The following DCC variants were observed in gnomAD, a reference collection of about 807,000 sequenced individuals.
The protein encoded by DCC is DCC netrin 1 receptor, also known as netrin receptor DCC.
DCC carries 58 observed loss-of-function variants against 172.5 expected under a neutral mutation model. The observed-to-expected ratio is 0.34, with a 90% CI of 0.27 to 0.42. The LOEUF (loss-of-function observed/expected upper bound fraction) is 0.42, where lower values mean the gene tolerates loss of function less well. Among genes scored for constraint, DCC ranks in the 10% least tolerant of loss-of-function variants. The probability of loss-of-function intolerance (pLI) is 1.00; values close to 1 mark genes in which losing one functional copy is unlikely to be tolerated. For synonymous variants in DCC, 709 were observed against 644.5 expected (o/e 1.10, Z -1.52); for missense variants, 1,740 against 1,791.0 (o/e 0.97, Z 0.51).
chr18:52,680,479 G>T (rs192467303), intron 1 of DCC, among the ~76,000 whole-genome samples: 110 of 152,116 alleles, frequency 7.2e-4, no homozygotes, highest in African/African-American at 2.3e-3. Context: ...ATGTTCTCTC[G>T]GTTCCTTGCT....
intron 28 of DCC, among the ~76,000 whole-genome samples, chr18:53,529,000 A>C (rs1204707740): frequency 3.0e-5 from 3 of 100,324 alleles, no homozygotes; most frequent in South Asian, 3.4e-4. Context: ...CCCTCACTTC[A>C]ACTTCTCTCT....
intron 5 of DCC, among the ~76,000 whole-genome samples, chr18:52,996,648 G>A (rs2041484383): frequency 6.6e-6 from 1 of 151,812 alleles, no homozygotes; most frequent in Admixed American, 6.6e-5. Flanking sequence ...AATATTGTAT[G>A]AGTAAAATAT....
chr18:52,959,298 G>A lies in DCC; in HGVS notation c.985+33928G>A, dbSNP rs1293090395. ...GGTAGAAACTGGTTTGCTTTTCAGAGCATTCATGTTTAAGCCAGTCCCAGA... is the reference window on the plus strand; with the variant it reads ...GGTAGAAACTGGTTTGCTTTTCAGAACATTCATGTTTAAGCCAGTCCCAGA... On this transcript the variant is annotated intron_variant, in intron 5 of 28. Coordinates refer to ENST00000442544, the MANE Select transcript of DCC (RefSeq NM_005215.4). Among the ~76,000 whole-genome samples, 3 of 152,100 alleles carry A rather than the reference G, an allele frequency of 2.0e-5. 1 individual carries two copies. Among genetic ancestry groups the A allele is most frequent in the Middle Eastern group, 6.4e-3 (2 of 314 alleles).
intron 1 of DCC, among the ~76,000 whole-genome samples, chr18:52,743,822 G>T (rs552643570): frequency 6.6e-6 from 1 of 152,280 alleles, no homozygotes; most frequent in South Asian, 2.1e-4. Context: ...TTAGTTCCCT[G>T]TAAAGGGAAG....
At chr18:52,414,545 C>T (rs145443923) in intron 1 of DCC, among the ~76,000 whole-genome samples, 440 of 152,212 alleles carry the variant, frequency 2.9e-3, no homozygotes, top group East Asian at 5.0e-3. Flanking sequence ...TTTATAATTC[C>T]AGCTGGATTC....
chr18:52,728,060 G>T (rs1416302603), intron 1 of DCC, among the ~76,000 whole-genome samples: 1 of 152,046 alleles, frequency 6.6e-6, no homozygotes, highest in Non-Finnish European at 1.5e-5. Context: ...TCAGTGATTG[G>T]ATTACACTAA....
At position 52,340,295 on chromosome 18, in the gene DCC, A is replaced by C; in HGVS notation, c.-493A>C. 5.0e-6 allele frequency: 1 copy of C among 198,336 alleles called. No homozygotes were observed. Among genetic ancestry groups the C allele is most frequent in the Non-Finnish European group, 1.1e-5 (1 of 95,010 alleles). 12.3% of individuals were successfully genotyped at this position (198,336 alleles called of 1,614,324 possible). A position where few individuals can be genotyped will look rare whatever the true frequency, so the allele number is the denominator to read the frequency against. ...GGGTCCCCTCGGCTCTCGGAAGAAA[A>C]ACCAACAGCATCTCCAGCTCTCGCG... is the stretch of plus-strand genomic sequence containing the variant. On this transcript the variant is annotated 5_prime_UTR_variant, in exon 1 of 29. Transcript: ENST00000442544.
chr18:52,424,836 A>G (rs570869274), intron 1 of DCC, among the ~76,000 whole-genome samples: 1 of 152,196 alleles, frequency 6.6e-6, no homozygotes, highest in South Asian at 2.1e-4. Context: ...ATCAAACCCA[A>G]GATTATTGCC....
At chr18:53,120,475 A>C (rs764652009) in intron 7 of DCC, among the ~76,000 whole-genome samples, 32 of 151,926 alleles carry the variant, frequency 2.1e-4, no homozygotes, top group Non-Finnish European at 3.7e-4. Flanking sequence ...TAATAACAGG[A>C]AGCTGTATGT....
intron 2 of DCC, among the ~76,000 whole-genome samples, chr18:52,825,186 T>G (rs537811020): frequency 8.1e-4 from 124 of 152,318 alleles, no homozygotes; most frequent in African/African-American, 2.9e-3. Flanking sequence ...ACAAAGAGAA[T>G]GGATGCTAAC....
chr18:52,701,320 T>G (rs1437457241), intron 1 of DCC, among the ~76,000 whole-genome samples: 2 of 152,188 alleles, frequency 1.3e-5, no homozygotes, highest in Non-Finnish European at 2.9e-5. Flanking sequence ...TGGAACATGT[T>G]TGTGTTATCA....
At chr18:52,845,318 T>C (rs1031537197) in intron 2 of DCC, among the ~76,000 whole-genome samples, 9 of 152,224 alleles carry the variant, frequency 5.9e-5, no homozygotes, top group South Asian at 2.1e-4. Flanking sequence ...AAGCTTTATA[T>C]TGACACAATT....
chr18:52,343,826 C>G (rs1467704084), intron 1 of DCC, among the ~76,000 whole-genome samples: 1 of 152,222 alleles, frequency 6.6e-6, no homozygotes, highest in African/African-American at 2.4e-5. Flanking sequence ...TTCCCCCAAC[C>G]AAAGCAGATC....
At chr18:52,886,766 A>G (rs547684106) in intron 2 of DCC, among the ~76,000 whole-genome samples, 2 of 151,904 alleles carry the variant, frequency 1.3e-5, no homozygotes, top group African/African-American at 4.8e-5. Flanking sequence ...TGCCCACCTG[A>G]TTTTTGGTTC....
chr18:52,644,834 AGGGAAGGAGGG>A (rs2034986591), intron 1 of DCC, among the ~76,000 whole-genome samples: 1 of 107,146 alleles, frequency 9.3e-6, no homozygotes, highest in Non-Finnish European at 1.9e-5. Flanking sequence ...GGAGGGAGGG[AGGGAAGGAGGG>A]AGGGAAGGAA....
At chr18:52,790,490 G>T (rs544048088) in intron 2 of DCC, among the ~76,000 whole-genome samples, 1 of 152,236 alleles carries the variant, frequency 6.6e-6, no homozygotes, top group African/African-American at 2.4e-5. Flanking sequence ...GGCATGTCAG[G>T]CTTCTGGGTT....
intron 1 of DCC, among the ~76,000 whole-genome samples, chr18:52,553,145 C>T (rs147566836): frequency 6.6e-6 from 1 of 152,084 alleles, no homozygotes; most frequent in African/African-American, 2.4e-5. Context: ...TCTCAGGTCA[C>T]TTCTGATTAG....
At chr18:52,778,711 G>A (rs934394279) in intron 2 of DCC, among the ~76,000 whole-genome samples, 5 of 152,046 alleles carry the variant, frequency 3.3e-5, no homozygotes, top group Admixed American at 3.3e-4. Context: ...GTCTTTAGTA[G>A]TTTTGTTTTT....
chr18:52,992,957 T>G (rs1351248576), intron 5 of DCC, among the ~76,000 whole-genome samples: 1 of 148,960 alleles, frequency 6.7e-6, no homozygotes, highest in East Asian at 2.0e-4. Flanking sequence ...ACAGCCTGGG[T>G]GACACAGTGA....
Sources: gnomAD v4.1 joint callset for allele counts (sites outside exome capture counted in the v4.1 genomes callset) on GRCh38, gnomAD v4.1.1 for gene constraint, MANE v1.5 for transcripts, NCBI Gene and HGNC (gene_info 2026-07-23, HGNC 2026-07-21) for gene names.